PRIM2: variants seen among roughly 807,000 people sequenced by gnomAD.
PRIM2 encodes DNA primase subunit 2, also known as DNA primase large subunit.
In PRIM2, 39 loss-of-function variants were observed where a neutral mutation model predicts 67.3. The ratio of observed to expected loss-of-function variants is 0.58; its 90% CI spans 0.45 to 0.76. PRIM2 has a LOEUF of 0.76. Among genes scored for constraint, PRIM2 ranks in the 30% least tolerant of loss-of-function variants. PRIM2 has a pLI of 0.00. For missense variants in PRIM2, 398 were observed against 598.7 expected (o/e 0.66, Z 3.50); for synonymous variants, 143 against 198.7 (o/e 0.72, Z 2.36).
chr6:57,415,478 A>C (rs1389566508), intron 7 of PRIM2, among the ~76,000 whole-genome samples: 1 of 152,194 alleles, frequency 6.6e-6, no homozygotes, highest in Non-Finnish European at 1.5e-5. Flanking sequence ...TTTATTGCTA[A>C]AAAATGCTAA....
chr6:57,268,484 G>T, the PRIM2 span, among the ~76,000 whole-genome samples: 1 of 151,980 alleles, frequency 6.6e-6, no homozygotes, highest in Admixed American at 6.6e-5. Flanking sequence ...CAGAGCCAAG[G>T]TTAACATTCT....
intron 7 of PRIM2, among the ~76,000 whole-genome samples, chr6:57,489,482 G>C (rs1470193195): frequency 1.3e-5 from 2 of 152,272 alleles, no homozygotes; most frequent in Non-Finnish European, 2.9e-5. Context: ...GCGTGAACCC[G>C]GGAGGCGGAG....
At chr6:57,502,841 T>G (rs1774167444) in intron 7 of PRIM2, among the ~76,000 whole-genome samples, 2 of 152,196 alleles carry the variant, frequency 1.3e-5, no homozygotes, top group Non-Finnish European at 2.9e-5. Flanking sequence ...GGCTACTTGT[T>G]TCTTTTGAAC....
intron 7 of PRIM2, among the ~76,000 whole-genome samples, chr6:57,447,836 CA>C (rs1449257936): frequency 3.9e-5 from 6 of 152,056 alleles, no homozygotes; most frequent in Non-Finnish European, 8.8e-5. Context: ...TCAAAATGAC[CA>C]AAACCACAAA....
At chr6:57,595,766 G>A (rs1776354999) in intron 10 of PRIM2, among the ~76,000 whole-genome samples, 1 of 152,074 alleles carries the variant, frequency 6.6e-6, no homozygotes, top group African/African-American at 2.4e-5. Flanking sequence ...GCCCTCTCTG[G>A]GTGTTCCACC....
intron 7 of PRIM2, among the ~76,000 whole-genome samples, chr6:57,420,727 A>G (rs576102807): frequency 1.3e-5 from 2 of 152,244 alleles, no homozygotes; most frequent in Admixed American, 1.3e-4. Context: ...TTGGTATCAG[A>G]TTGTATTTTG....
chr6:57,524,531 G>A (rs1554349184), intron 8 of PRIM2, among the ~76,000 whole-genome samples: 49,230 of 151,652 alleles, frequency 0.32, 7,621 homozygotes, highest in East Asian at 0.44. Context: ...GAGAAATCCC[G>A]TCTCTACTAA....
At chr6:57,424,428 T>C (rs1771556928) in intron 7 of PRIM2, among the ~76,000 whole-genome samples, 2 of 152,162 alleles carry the variant, frequency 1.3e-5, no homozygotes, top group South Asian at 2.1e-4. Flanking sequence ...TAGTTAATTA[T>C]ATAAGAACAG....
the PRIM2 span, among the ~76,000 whole-genome samples, chr6:57,293,263 A>G: frequency 6.6e-6 from 1 of 152,260 alleles, no homozygotes; most frequent in Admixed American, 6.5e-5. Context: ...CATTAGAGAA[A>G]TGCAAATCAA....
chr6:57,451,578 C>T (rs147710165), intron 7 of PRIM2, among the ~76,000 whole-genome samples: 25 of 152,212 alleles, frequency 1.6e-4, no homozygotes, highest in Middle Eastern at 3.4e-3. Context: ...ATTTAAGGCT[C>T]ATTCCAGCAT....
At chr6:57,249,768 AC>A in the PRIM2 span, among the ~76,000 whole-genome samples, 1 of 152,038 alleles carries the variant, frequency 6.6e-6, no homozygotes, top group Non-Finnish European at 1.5e-5. Context: ...AAAAAAGAAT[AC>A]CTATGCTAAC....
At chr6:57,268,480 C>G in the PRIM2 span, among the ~76,000 whole-genome samples, 4 of 151,734 alleles carry the variant, frequency 2.6e-5, no homozygotes, top group Non-Finnish European at 5.9e-5. Flanking sequence ...ATCTCAGAGC[C>G]AAGGTTAACA....
chr6:57,430,273 A>G (rs1381946874), intron 7 of PRIM2, among the ~76,000 whole-genome samples: 9 of 152,192 alleles, frequency 5.9e-5, no homozygotes, highest in Non-Finnish European at 1.0e-4. Context: ...TGTTATTCTG[A>G]AGGGAATAGG....
At chr6:57,457,269 C>T (rs1252825290) in intron 7 of PRIM2, among the ~76,000 whole-genome samples, 5 of 152,182 alleles carry the variant, frequency 3.3e-5, no homozygotes, top group African/African-American at 1.2e-4. Flanking sequence ...TTTCTGTTCT[C>T]AGATCTCCAG....
At chr6:57,466,625 A>G (rs571580082) in intron 7 of PRIM2, among the ~76,000 whole-genome samples, 1 of 152,172 alleles carries the variant, frequency 6.6e-6, no homozygotes, top group African/African-American at 2.4e-5. Context: ...CCTTCTTTTG[A>G]GAAGTGTCTG....
chr6:57,534,884 G>A (rs1246651667), intron 9 of PRIM2, among the ~76,000 whole-genome samples: 28 of 152,098 alleles, frequency 1.8e-4, no homozygotes, highest in Non-Finnish European at 3.4e-4. Context: ...TCCTCAAAAA[G>A]GCTTCCCTGG....
chr6:57,375,540 T>C (rs1197945807), intron 5 of PRIM2, among the ~76,000 whole-genome samples: 40 of 152,254 alleles, frequency 2.6e-4, no homozygotes, highest in African/African-American at 7.0e-4. Context: ...TTTTTTTTGT[T>C]GTATCTCCGC....
chr6:57,253,203 A>AG, the PRIM2 span, among the ~76,000 whole-genome samples: 1 of 152,206 alleles, frequency 6.6e-6, no homozygotes, highest in South Asian at 2.1e-4. Flanking sequence ...TAAAAAAAAA[A>AG]ATAAACAGTA....
At chr6:57,577,705 A>G (rs1279003091) in intron 10 of PRIM2, among the ~76,000 whole-genome samples, 1 of 152,190 alleles carries the variant, frequency 6.6e-6, no homozygotes, top group Non-Finnish European at 1.5e-5. Flanking sequence ...CTGGATTTAC[A>G]GGCATGAGCC....
Sources: gnomAD v4.1 joint callset for allele counts (sites outside exome capture counted in the v4.1 genomes callset) on GRCh38, gnomAD v4.1.1 for gene constraint, MANE v1.5 for transcripts, NCBI Gene and HGNC (gene_info 2026-07-23, HGNC 2026-07-21) for gene names.